The following CCDC6 variants were observed in gnomAD, a reference collection of about 807,000 sequenced individuals.
The protein encoded by CCDC6 is coiled-coil domain containing 6, also known as coiled-coil domain-containing protein 6.
A neutral mutation model predicts 56.6 loss-of-function variants in CCDC6; 20 were observed. That is an observed-to-expected ratio of 0.35 (90% CI 0.25 to 0.51). CCDC6 has a LOEUF of 0.51. Ranked by LOEUF, CCDC6 falls within the 20% of genes least tolerant of loss-of-function variation. The pLI is 0.95. For synonymous variants in CCDC6, 241 were observed against 234.4 expected (o/e 1.03, Z -0.26); for missense variants, 367 against 601.1 (o/e 0.61, Z 4.07).
chr10:59,900,003 CAG>C (rs1468182545), intron 1 of CCDC6, among the ~76,000 whole-genome samples: 3 of 152,154 alleles, frequency 2.0e-5, no homozygotes, highest in Non-Finnish European at 2.9e-5. Context: ...GACAAGGTCC[CAG>C]AGAGAGTGTT....
chr10:59,830,246 T>C (rs2070824630), intron 3 of CCDC6, among the ~76,000 whole-genome samples: 1 of 152,188 alleles, frequency 6.6e-6, no homozygotes, highest in Non-Finnish European at 1.5e-5. Context: ...CTGACAATAA[T>C]ATAGAGTACA....
At chr10:59,869,859 C>G (rs991449542) in intron 1 of CCDC6, among the ~76,000 whole-genome samples, 2 of 152,136 alleles carry the variant, frequency 1.3e-5, no homozygotes, top group African/African-American at 2.4e-5. Flanking sequence ...CCACGACACT[C>G]CAGCCACTCC....
At chr10:59,820,478 C>T (rs1420076002) in intron 3 of CCDC6, among the ~76,000 whole-genome samples, 1 of 151,938 alleles carries the variant, frequency 6.6e-6, no homozygotes, top group African/African-American at 2.4e-5. Context: ...CTAATCCAGG[C>T]GTAATAAAGA....
rs2071348907 is a variant in CCDC6, at chr10:59,882,475, G to GAAGGAAAGGAAAGCC, written c.303+23646_303+23647insGGCTTTCCTTTCCTT. On this transcript the variant is annotated intron_variant, in intron 1 of 8. Transcript: ENST00000263102. ...CGGCGGGAGAAGGAAAGGAAAGCCAGGGGGAGAAGGAAAGGAAAGCCGGGG... is the reference window on the plus strand; with the variant it reads ...CGGCGGGAGAAGGAAAGGAAAGCCAGAAGGAAAGGAAAGCCGGGGAGAAGGAAAGGAAAGCCGGGG... Among the ~76,000 whole-genome samples, 2 of 3,136 alleles carry GAAGGAAAGGAAAGCC rather than the reference G, an allele frequency of 6.4e-4. 1 individual carries two copies. Among genetic ancestry groups the GAAGGAAAGGAAAGCC allele is most frequent in the Non-Finnish European group, 1.2e-3 (2 of 1,680 alleles). The allele number at this position is 3,136 out of a possible 152,430, so 2.1% of individuals were successfully genotyped here.
chr10:59,872,000 A>C (rs1296488101), intron 1 of CCDC6, among the ~76,000 whole-genome samples: 1 of 152,200 alleles, frequency 6.6e-6, no homozygotes, highest in Non-Finnish European at 1.5e-5. Flanking sequence ...AAAGAAAATA[A>C]GGAGCCAATT....
At chr10:59,807,108 T>C (rs1325017223) in intron 5 of CCDC6, 30 bp from the exon 6 acceptor site, 2 of 1,605,080 alleles carry the variant, frequency 1.2e-6, no homozygotes, top group East Asian at 2.2e-5. Context: ...AATTAAACCA[T>C]GTTTCATGCA....
At chr10:59,826,445 G>A (rs1044630670) in intron 3 of CCDC6, among the ~76,000 whole-genome samples, 1 of 152,148 alleles carries the variant, frequency 6.6e-6, no homozygotes, top group Non-Finnish European at 1.5e-5. Context: ...GCAGCTGCAG[G>A]CATTCTCTGC....
intron 1 of CCDC6, among the ~76,000 whole-genome samples, chr10:59,865,908 T>A (rs1016599988): frequency 4.9e-5 from 7 of 142,654 alleles, no homozygotes; most frequent in Admixed American, 4.9e-4. Context: ...TGGCCATGCA[T>A]CATTCACTGT....
chr10:59,888,980 A>G (rs1273008250), intron 1 of CCDC6, among the ~76,000 whole-genome samples: 1 of 152,044 alleles, frequency 6.6e-6, no homozygotes, highest in Non-Finnish European at 1.5e-5. Flanking sequence ...AGTCACTAAC[A>G]TGGGCAGCCA....
chr10:59,828,340 A>G (rs917252170), intron 3 of CCDC6, among the ~76,000 whole-genome samples: 4 of 152,214 alleles, frequency 2.6e-5, no homozygotes, highest in Non-Finnish European at 5.9e-5. Flanking sequence ...ACTGTGTGCT[A>G]CAAAGACCAC....
chr10:59,792,481 G>C lies in CCDC6; in HGVS notation c.*436C>G. 1 of 448,142 alleles carries C rather than the reference G, an allele frequency of 2.2e-6. No individual in the cohort carries two copies. Among genetic ancestry groups the C allele is most frequent in the South Asian group, 2.1e-5 (1 of 48,612 alleles). The allele number at this position is 448,142 out of a possible 1,614,324, so 27.8% of individuals were successfully genotyped here. A position where few individuals can be genotyped will look rare whatever the true frequency, so the allele number is the denominator to read the frequency against. On this transcript the variant is annotated 3_prime_UTR_variant, in exon 9 of 9. Coordinates refer to ENST00000263102, the MANE Select transcript of CCDC6 (RefSeq NM_005436.5). ...GTAGTGCTGAATTATTGGTATGTTT[G>C]GTAAACACTATTATAATGAGAGGAG...
rs139515081 is a variant in CCDC6 at position 59,799,619 on chromosome 10, T to C, written c.1105+4801A>G. On this transcript the variant is annotated intron_variant, in intron 7 of 8. Transcript: ENST00000263102. ...TGTGAAGAGAACTGCAGTGATTTTA[T>C]TGCTCTTGATTCAGACCTCCATGCC... Among the ~76,000 whole-genome samples the C allele has an allele frequency of 2.7e-3, 412 of 152,302 alleles. 1 individual carries two copies. Among genetic ancestry groups the C allele is most frequent in the African/African-American group, 9.1e-3 (379 of 41,572 alleles).
intron 1 of CCDC6, among the ~76,000 whole-genome samples, chr10:59,900,116 A>C (rs1819049952): frequency 6.6e-6 from 1 of 152,156 alleles, no homozygotes; most frequent in Non-Finnish European, 1.5e-5. Flanking sequence ...GCACTGAGGA[A>C]TGTGATGAAC....
intron 2 of CCDC6, among the ~76,000 whole-genome samples, chr10:59,838,978 T>C (rs1341078896): frequency 2.0e-5 from 3 of 152,248 alleles, no homozygotes; most frequent in Admixed American, 1.3e-4. Context: ...TTGATGTCCA[T>C]TTCATGATGT....
At chr10:59,795,474 A>T (rs905157362) in intron 7 of CCDC6, among the ~76,000 whole-genome samples, 28 of 96,012 alleles carry the variant, frequency 2.9e-4, no homozygotes, top group African/African-American at 7.2e-4. Context: ...ATTCATTTTT[A>T]TTATTATTAT....
At chr10:59,862,253 G>C (rs1443885400) in intron 1 of CCDC6, among the ~76,000 whole-genome samples, 1 of 151,826 alleles carries the variant, frequency 6.6e-6, no homozygotes, top group Non-Finnish European at 1.5e-5. Context: ...GTGTGACCCC[G>C]AGGCAGGTGG....
chr10:59,892,864 G>A (rs1324033268), intron 1 of CCDC6, among the ~76,000 whole-genome samples: 2 of 152,020 alleles, frequency 1.3e-5, no homozygotes, highest in East Asian at 3.9e-4. Flanking sequence ...AAGTCCTGTA[G>A]GGCCTGAATG....
chr10:59,840,910 T>C (rs928806392), intron 2 of CCDC6, among the ~76,000 whole-genome samples: 1 of 152,206 alleles, frequency 6.6e-6, no homozygotes, highest in African/African-American at 2.4e-5. Flanking sequence ...CAGAATATCC[T>C]TCTAATATGC....
intron 3 of CCDC6, among the ~76,000 whole-genome samples, chr10:59,823,447 C>T (rs564505269): frequency 8.3e-4 from 127 of 152,322 alleles, no homozygotes; most frequent in Non-Finnish European, 1.6e-3. Flanking sequence ...ACTCCAGTTC[C>T]CACACTGGAG....
Sources: allele counts gnomAD v4.1 joint callset (sites outside exome capture counted in the v4.1 genomes callset), GRCh38; gene constraint gnomAD v4.1.1; transcripts MANE v1.5; gene names NCBI Gene and HGNC (gene_info 2026-07-23, HGNC 2026-07-21).